The following PREX2 variants were observed in gnomAD, a reference collection of about 807,000 sequenced individuals.
PREX2 encodes phosphatidylinositol 3,4,5-trisphosphate-dependent Rac exchanger 2 protein.
Under a neutral mutation model 203.2 loss-of-function variants are expected in PREX2, and 107 were observed. That is an observed-to-expected ratio of 0.53 (90% CI 0.45 to 0.62). The LOEUF (loss-of-function observed/expected upper bound fraction) is 0.62, where lower values mean the gene tolerates loss of function less well. PREX2 is among the 20% of genes least tolerant of loss of function. The probability of loss-of-function intolerance (pLI) is 0.00; values close to 1 mark genes in which losing one functional copy is unlikely to be tolerated. For missense variants in PREX2, 1,777 were observed against 1,955.9 expected (o/e 0.91, Z 1.72); for synonymous variants, 672 against 663.6 (o/e 1.01, Z -0.19).
chr8:68,007,528 A>G (rs1327709476), intron 1 of PREX2, among the ~76,000 whole-genome samples: 1 of 150,026 alleles, frequency 6.7e-6, no homozygotes, highest in Non-Finnish European at 1.5e-5. Flanking sequence ...TGAAAACAGC[A>G]TTGAAGAAGT....
chr8:68,224,954 T>A (rs1813029565), intron 39 of PREX2, among the ~76,000 whole-genome samples: 1 of 152,130 alleles, frequency 6.6e-6, no homozygotes, highest in South Asian at 2.1e-4. Context: ...TGCTGTTCCT[T>A]CTAGCATGAT....
At chr8:68,081,240 G>A (rs79607033) in intron 17 of PREX2, among the ~76,000 whole-genome samples, 3,331 of 152,162 alleles carry the variant, frequency 0.022, 105 homozygotes, top group African/African-American at 0.068. Context: ...CCGCATGCTC[G>A]GTTCACAATT....
chr8:68,016,875 A>G (rs1807422341), intron 1 of PREX2, among the ~76,000 whole-genome samples: 1 of 152,184 alleles, frequency 6.6e-6, no homozygotes, highest in South Asian at 2.1e-4. Context: ...GGGACTCCCA[A>G]AGCGCTAGGA....
chr8:68,093,484 C>G, intron 20 of PREX2, 121 bp from the exon 21 acceptor site: 1 of 470,070 alleles, frequency 2.1e-6, no homozygotes, highest in Admixed American at 3.0e-5. Context: ...AATTGTATCT[C>G]TCTTTCAAAT....
intron 25 of PREX2, chr8:68,114,240 A>G: frequency 2.2e-6 from 1 of 463,284 alleles, no homozygotes; most frequent in South Asian, 1.5e-5. Flanking sequence ...TAGTGAAATC[A>G]CTTAATAGGT....
At chr8:68,105,700 T>TAAAA (rs61184621) in intron 23 of PREX2, 2 of 244,750 alleles carry the variant, frequency 8.2e-6, no homozygotes, top group African/African-American at 4.9e-5. Context: ...TATATATATA[T>TAAAA]GGATATATAT....
intron 35 of PREX2, among the ~76,000 whole-genome samples, chr8:68,163,353 G>A (rs1159155924): frequency 6.6e-6 from 1 of 152,128 alleles, no homozygotes; most frequent in Non-Finnish European, 1.5e-5. Context: ...GAGAAACAGG[G>A]TAGCAAATTT....
intron 33 of PREX2, among the ~76,000 whole-genome samples, chr8:68,145,017 T>C (rs865779795): frequency 2.6e-5 from 4 of 152,158 alleles, no homozygotes; most frequent in African/African-American, 9.6e-5. Flanking sequence ...AATATATATG[T>C]GAGACAGTGT....
chr8:68,132,216 T>C (rs1407061216), intron 31 of PREX2, among the ~76,000 whole-genome samples: 1 of 152,174 alleles, frequency 6.6e-6, no homozygotes, highest in African/African-American at 2.4e-5. Flanking sequence ...AGTAAACATT[T>C]GTTCAATGTC....
intron 23 of PREX2, chr8:68,100,366 T>C: frequency 2.8e-6 from 1 of 360,376 alleles, no homozygotes; most frequent in East Asian, 7.4e-5. Context: ...TCTCCTCTCA[T>C]GGTGCTCACA....
At chr8:67,964,642 T>A (rs1805718070) in intron 1 of PREX2, among the ~76,000 whole-genome samples, 1 of 152,210 alleles carries the variant, frequency 6.6e-6, no homozygotes. Context: ...TTTTTTCCAT[T>A]GGCTTTCACT....
chr8:68,091,995 G>T (rs903224785), intron 20 of PREX2, among the ~76,000 whole-genome samples: 1 of 152,142 alleles, frequency 6.6e-6, no homozygotes, highest in Non-Finnish European at 1.5e-5. Flanking sequence ...GGGCGGCCGT[G>T]GGGTGGTTCC....
intron 9 of PREX2, among the ~76,000 whole-genome samples, chr8:68,054,688 A>G (rs1808622927): frequency 6.6e-6 from 1 of 152,090 alleles, no homozygotes; most frequent in East Asian, 1.9e-4. Flanking sequence ...ATTCCATCAG[A>G]TTAACTCCCA....
intron 1 of PREX2, among the ~76,000 whole-genome samples, chr8:67,971,960 G>A (rs1016172099): frequency 1.3e-5 from 2 of 152,212 alleles, no homozygotes; most frequent in South Asian, 4.1e-4. Context: ...ATTTTCCAAA[G>A]TTCTTTGTTG....
At chr8:68,129,069 A>G (rs567006408) in intron 31 of PREX2, among the ~76,000 whole-genome samples, 120 of 152,284 alleles carry the variant, frequency 7.9e-4, no homozygotes, top group African/African-American at 2.8e-3. Context: ...ACAACCCACT[A>G]TGTGAGAATA....
In PREX2 at chr8:68,080,591, T is replaced by C. The variant is rs1809489568; in HGVS notation, c.1785+6T>C. The stretch of plus-strand genomic sequence containing the variant: ...TTATAGCTAAGTCATTATTGGTAAG[T>C]TTATTGATATGTTATATAAGTTTTC... On this transcript the variant is annotated splice_donor_region_variant and intron_variant, in intron 16 of 39. Transcript: ENST00000288368. 6.3e-7 allele frequency: 1 copy of C among 1,587,160 alleles called. No homozygotes were observed. Among genetic ancestry groups the C allele is most frequent in the African/African-American group, 1.4e-5 (1 of 73,800 alleles).
rs563679760 is a variant in PREX2 at position 68,207,424 on chromosome 8, AG to A, written c.4605-10188del. On this transcript the variant is annotated intron_variant, in intron 37 of 39. Transcript: ENST00000288368. ...TATAAATAAATAAATCTAGTCTTTT[AG>A]GGGCATGGATATAATATCATTGGCA... 2.8e-3 allele frequency among the ~76,000 whole-genome samples: 432 copies of A among 152,302 alleles called. 4 individuals are homozygous for A. Among genetic ancestry groups the A allele is most frequent in the African/African-American group, 0.01 (425 of 41,574 alleles).
chr8:68,078,943 A>G (rs1204403622), intron 15 of PREX2, among the ~76,000 whole-genome samples: 1 of 152,142 alleles, frequency 6.6e-6, no homozygotes, highest in African/African-American at 2.4e-5. Flanking sequence ...CTCCTTTTAA[A>G]AGACAATTTG....
chr8:68,120,721 G>T (rs1810754658), intron 29 of PREX2, among the ~76,000 whole-genome samples, 200 bp from the exon 30 acceptor site: 1 of 152,090 alleles, frequency 6.6e-6, no homozygotes, highest in Non-Finnish European at 1.5e-5. Context: ...ATCTAAATTT[G>T]CTTCGTTTAA....
Sources: gnomAD v4.1 joint callset for allele counts (sites outside exome capture counted in the v4.1 genomes callset) on GRCh38, gnomAD v4.1.1 for gene constraint, MANE v1.5 for transcripts, NCBI Gene and HGNC (gene_info 2026-07-23, HGNC 2026-07-21) for gene names.